The following UNC80 variants were observed in gnomAD, a reference collection of about 807,000 sequenced individuals.
UNC80 encodes the protein protein unc-80 homolog.
UNC80 carries 164 observed loss-of-function variants against 384.6 expected under a neutral mutation model. The ratio of observed to expected loss-of-function variants is 0.43; its 90% CI spans 0.38 to 0.49. The LOEUF is 0.49. Ranked by LOEUF, UNC80 falls within the 20% of genes least tolerant of loss-of-function variation. UNC80 has a pLI of 0.00. For missense variants in UNC80, 3,330 were observed against 4,143.0 expected, an observed-to-expected ratio of 0.80 and a Z score of 5.39; for synonymous variants, 1,486 against 1,527.8, an observed-to-expected ratio of 0.97 and a Z score of 0.64.
Position 209,972,258 on chromosome 2 carries a change from C to T in UNC80, c.8314C>T (p.Arg2772Ter), listed in dbSNP as rs1575183610. The change falls in exon 55 of 65, where the codon CGA becomes TGA. Residue 2772 changes from arginine to a stop codon, truncating the protein, a stop_gained. Transcript: ENST00000673920. LOFTEE classifies it high-confidence loss of function. Reference protein sequence around the residue: ...HVISPFTNQERREGMLLNLLI... With the variant: ...HVISPFTNQE Reference sequence around the variant, plus strand: ...GATCTCCCCATTCACCAATCAAGAGCGAAGGGAGGGGATGCTTTTAAATCT... The same window carrying T: ...GATCTCCCCATTCACCAATCAAGAGTGAAGGGAGGGGATGCTTTTAAATCT... 1.9e-6 allele frequency: 3 copies of T among 1,551,578 alleles called. No individual in the cohort carries two copies. The highest frequency in any genetic ancestry group is 2.4e-5 in the South Asian group (2 of 84,040).
chr2:209,790,937 TA>T (rs771408837), intron 6 of UNC80, among the ~76,000 whole-genome samples: 76 of 152,320 alleles, frequency 5.0e-4, no homozygotes, highest in Non-Finnish European at 1.0e-3. Context: ...ATTTTTTTCT[TA>T]ATGTTACGTA....
chr2:209,789,202 A>G (rs2077643061), intron 5 of UNC80, among the ~76,000 whole-genome samples: 1 of 150,336 alleles, frequency 6.7e-6, no homozygotes, highest in East Asian at 2.0e-4. Context: ...TAAGTGATGC[A>G]TGACTGTATA....
chr2:209,802,673 AT>A (rs574347724), intron 7 of UNC80, among the ~76,000 whole-genome samples: 2 of 150,656 alleles, frequency 1.3e-5, no homozygotes, highest in Admixed American at 6.7e-5. Context: ...TGGTTCTTGC[AT>A]TTTTTTTAAC....
chr2:209,967,329 A>T lies in UNC80; in HGVS notation c.7806-108A>T, dbSNP rs1008274628. 4 of 685,956 alleles carry T rather than the reference A, an allele frequency of 5.8e-6. No homozygotes were observed. The African/African-American group carries it at 7.5e-5, about 13-fold the overall frequency. 42.5% of individuals were successfully genotyped at this position (685,956 alleles called of 1,614,324 possible). ...TGGGAAGAATGTTCTTAGTTCAGGGAGTTGGTGGTCTGGAAGGGGTGATTA... is the reference window on the plus strand; with the variant it reads ...TGGGAAGAATGTTCTTAGTTCAGGGTGTTGGTGGTCTGGAAGGGGTGATTA... On this transcript the variant is annotated intron_variant, in intron 51 of 64. Transcript: ENST00000673920.
At chr2:209,818,413 G>C (rs975611746) in intron 11 of UNC80, among the ~76,000 whole-genome samples, 3 of 151,856 alleles carry the variant, frequency 2.0e-5, no homozygotes, top group Non-Finnish European at 4.4e-5. Flanking sequence ...TGTGTCTCTG[G>C]GTATAATCCA....
chr2:209,995,574 A>G lies in UNC80; in HGVS notation c.9954A>G (p.Val3318=), dbSNP rs1222708574. The change falls in exon 65 of 65, where the codon GTA becomes GTG. Residue 3318 remains valine (V), a synonymous_variant. Coordinates refer to ENST00000673920, the MANE Select transcript of UNC80 (RefSeq NM_001371986.1). Reference sequence around the variant, plus strand: ...CTGAGCTGGGGAAAACGGATGCAGTATTAGATGAGTCTCATGTTTAATTCT... The same window carrying G: ...CTGAGCTGGGGAAAACGGATGCAGTGTTAGATGAGTCTCATGTTTAATTCT... ...TPTELGKTDA[V]LDESHV The G allele has an allele frequency of 6.4e-7, 1 of 1,552,090 alleles. No individual in the cohort carries two copies. The highest frequency in any genetic ancestry group is 8.7e-7 in the Non-Finnish European group (1 of 1,147,076).
chr2:209,994,560 C>T (rs2093451078), intron 64 of UNC80, among the ~76,000 whole-genome samples: 1 of 152,098 alleles, frequency 6.6e-6, no homozygotes, highest in South Asian at 2.1e-4. Context: ...GGTTGAGCAT[C>T]CCTAATACAA....
At chr2:209,932,354 A>C (rs999257580) in intron 38 of UNC80, among the ~76,000 whole-genome samples, 3 of 152,256 alleles carry the variant, frequency 2.0e-5, no homozygotes, top group African/African-American at 7.2e-5. Flanking sequence ...CCACACGAAA[A>C]CCAAAGGTGG....
intron 47 of UNC80, among the ~76,000 whole-genome samples, chr2:209,952,632 C>T (rs2092237374): frequency 6.6e-6 from 1 of 152,154 alleles, no homozygotes; most frequent in African/African-American, 2.4e-5. Flanking sequence ...GAGTGCTGCA[C>T]AATGGCTGGA....
intron 28 of UNC80, among the ~76,000 whole-genome samples, chr2:209,899,298 A>G (rs2087128771): frequency 6.6e-6 from 1 of 152,196 alleles, no homozygotes; most frequent in Admixed American, 6.5e-5. Flanking sequence ...ACCCTAATGT[A>G]AACTGTTGAC....
chr2:209,800,149 C>T (rs2078445913), intron 7 of UNC80, among the ~76,000 whole-genome samples: 1 of 152,060 alleles, frequency 6.6e-6, no homozygotes. Flanking sequence ...GGTACCAGCT[C>T]TTCTTTGTAT....
intron 35 of UNC80, 150 bp downstream of exon 35, chr2:209,922,533 TTTAAAAAAAAATTGTTGA>T: frequency 9.9e-7 from 1 of 1,006,516 alleles, no homozygotes; most frequent in Non-Finnish European, 1.4e-6. Context: ...CATGGCATCC[TTTAAAAAAAAATTGTTGA>T]TTTACCTCAG....
intron 20 of UNC80, among the ~76,000 whole-genome samples, chr2:209,842,114 A>T (rs908288652): frequency 2.0e-5 from 3 of 152,182 alleles, no homozygotes; most frequent in Admixed American, 2.0e-4. Flanking sequence ...ATAGCACCTG[A>T]TTATTTAGCT....
At position 209,945,000 on chromosome 2, in the gene UNC80, T is replaced by C. The variant is rs2091844194; in HGVS notation, c.7051-51T>C. ...TAAAATTTGAATTCCTGTCAAGTTATAGTTTTACTGTGGTGGGAGTCAATA... is the reference window on the plus strand; with the variant it reads ...TAAAATTTGAATTCCTGTCAAGTTACAGTTTTACTGTGGTGGGAGTCAATA... On this transcript the variant is annotated intron_variant, in intron 45 of 64. Coordinates refer to ENST00000673920, the MANE Select transcript of UNC80 (RefSeq NM_001371986.1). 5 of 1,537,622 alleles carry C rather than the reference T, an allele frequency of 3.3e-6. No individual in the cohort carries two copies. The Admixed American group carries it at 6.2e-5, about 19-fold the overall frequency.
intron 47 of UNC80, among the ~76,000 whole-genome samples, chr2:209,947,771 A>C (rs1013474381): frequency 3.7e-4 from 56 of 152,284 alleles, no homozygotes; most frequent in African/African-American, 1.2e-3. Flanking sequence ...AAAACACTAA[A>C]AAAATCATAA....
intron 47 of UNC80, among the ~76,000 whole-genome samples, chr2:209,946,324 T>C (rs577603369): frequency 2.0e-4 from 31 of 151,564 alleles, no homozygotes; most frequent in African/African-American, 7.3e-4. Flanking sequence ...GAGCTGTGAT[T>C]GTCCCATTGC....
At chr2:209,790,130 A>G (rs565520357) in intron 6 of UNC80, among the ~76,000 whole-genome samples, 24 of 152,314 alleles carry the variant, frequency 1.6e-4, no homozygotes, top group African/African-American at 5.5e-4. Context: ...AAAATATGAT[A>G]TAAGATGCAG....
At chr2:209,955,018 G>A (rs2092346346) in intron 48 of UNC80, among the ~76,000 whole-genome samples, 1 of 152,132 alleles carries the variant, frequency 6.6e-6, no homozygotes, top group Admixed American at 6.5e-5. Flanking sequence ...TGGGGAAGGT[G>A]GATGCAGGAC....
rs763621152 is a variant in UNC80, at chr2:209,973,083, G to A, written c.8400G>A (p.Gln2800=). The change falls in exon 56 of 65, where the codon CAG becomes CAA. Residue 2800 remains glutamine, a synonymous_variant. Transcript: ENST00000673920. ...CCTCAGATAGCCCATGGCTGGAGCA[G>A]CCTGAGGTGCAGCTGCTGCTGCAGA... ...SGSKDSPWLE[Q]PEVQLLLQTV... 1.2e-5 allele frequency: 19 copies of A among 1,551,446 alleles called. No individual in the cohort carries two copies. Among genetic ancestry groups the A allele is most frequent in the Middle Eastern group, 3.3e-4 (2 of 6,014 alleles).
Sources: allele counts gnomAD v4.1 joint callset (sites outside exome capture counted in the v4.1 genomes callset), GRCh38; gene constraint gnomAD v4.1.1; transcripts MANE v1.5; gene names NCBI Gene and HGNC (gene_info 2026-07-23, HGNC 2026-07-21).